The following DPP6 variants were observed in gnomAD, a reference collection of about 807,000 sequenced individuals.
DPP6 encodes A-type potassium channel modulatory protein DPP6.
Under a neutral mutation model 122.6 loss-of-function variants are expected in DPP6, and 69 were observed. That is an observed-to-expected ratio of 0.56 (90% CI 0.46 to 0.69). The LOEUF is 0.69. Among genes scored for constraint, DPP6 ranks in the 30% least tolerant of loss-of-function variants. The pLI, the probability that DPP6 is intolerant of heterozygous loss-of-function variation, is 0.00. For synonymous variants in DPP6, 418 were observed against 433.1 expected, an observed-to-expected ratio of 0.97 and a Z score of 0.43; for missense variants, 928 against 1,116.9, an observed-to-expected ratio of 0.83 and a Z score of 2.41.
At chr7:154,322,860 T>C (rs1171830445) in intron 1 of DPP6, among the ~76,000 whole-genome samples, 1 of 152,204 alleles carries the variant, frequency 6.6e-6, no homozygotes, top group African/African-American at 2.4e-5. Context: ...CTTCAATGCC[T>C]GTACTTATAT....
chr7:154,125,873 T>C (rs1807845684), intron 1 of DPP6, among the ~76,000 whole-genome samples: 1 of 152,200 alleles, frequency 6.6e-6, no homozygotes, highest in Non-Finnish European at 1.5e-5. Context: ...CATTTCCACT[T>C]TGACACAAGT....
At chr7:153,822,883 A>G in the DPP6 span, among the ~76,000 whole-genome samples, 3 of 152,168 alleles carry the variant, frequency 2.0e-5, no homozygotes, top group Non-Finnish European at 4.4e-5. Context: ...ATTACCTTCT[A>G]TGTATCACTT....
At chr7:154,032,273 T>C in intron 1 of DPP6, among the ~76,000 whole-genome samples, 1 of 151,974 alleles carries the variant, frequency 6.6e-6, no homozygotes, top group East Asian at 1.9e-4. Context: ...ACGTTGCAGG[T>C]GGAGGTCAGC....
chr7:154,546,206 C>A (rs1829173972), intron 4 of DPP6, among the ~76,000 whole-genome samples: 1 of 151,980 alleles, frequency 6.6e-6, no homozygotes, highest in African/African-American at 2.4e-5. Flanking sequence ...TAAAAAGATA[C>A]AATATACTAG....
intron 1 of DPP6, among the ~76,000 whole-genome samples, chr7:154,367,944 T>C (rs1397960242): frequency 6.6e-6 from 1 of 152,114 alleles, no homozygotes. Flanking sequence ...GTAGCTGTGA[T>C]TACAGGCACC....
At chr7:153,840,458 T>C in the DPP6 span, among the ~76,000 whole-genome samples, 1 of 151,832 alleles carries the variant, frequency 6.6e-6, no homozygotes, top group Non-Finnish European at 1.5e-5. Context: ...TGGTGTTAAA[T>C]AGGAATTTTC....
At chr7:154,094,043 T>A (rs1210515928) in intron 1 of DPP6, 2 of 152,194 alleles carry the variant, frequency 1.3e-5, no homozygotes, top group African/African-American at 2.4e-5. Context: ...GGTAAAAATG[T>A]TGAACAATTA....
At chr7:154,227,230 A>ACACACACACACACACACACACC (rs1205135212) in intron 1 of DPP6, among the ~76,000 whole-genome samples, 76 of 151,534 alleles carry the variant, frequency 5.0e-4, no homozygotes, top group East Asian at 3.3e-3. Context: ...ACACACACAC[A>ACACACACACACACACACACACC]CCCCTAGGAA....
the DPP6 span, among the ~76,000 whole-genome samples, chr7:153,772,368 G>A: frequency 1.3e-5 from 2 of 152,294 alleles, no homozygotes; most frequent in South Asian, 2.1e-4. Context: ...ACAGGTGTGA[G>A]GCACCACGCC....
At chr7:154,780,676 T>C (rs1165900032) in intron 10 of DPP6, among the ~76,000 whole-genome samples, 2 of 152,244 alleles carry the variant, frequency 1.3e-5, no homozygotes, top group African/African-American at 4.8e-5. Flanking sequence ...TTTCTTCCCG[T>C]GGACCACAAG....
chr7:153,843,035 CAT>C, the DPP6 span, among the ~76,000 whole-genome samples: 27 of 151,858 alleles, frequency 1.8e-4, no homozygotes, highest in Middle Eastern at 3.4e-3. Context: ...CACACACACA[CAT>C]GCATACACAC....
chr7:154,043,278 A>G (rs1799853716), intron 1 of DPP6, among the ~76,000 whole-genome samples: 1 of 151,666 alleles, frequency 6.6e-6, no homozygotes, highest in East Asian at 1.9e-4. Flanking sequence ...CTGTAATTCT[A>G]GCTACTTGGG....
intron 4 of DPP6, among the ~76,000 whole-genome samples, chr7:154,564,332 A>G (rs1321482705): frequency 6.6e-6 from 1 of 152,152 alleles, no homozygotes; most frequent in East Asian, 1.9e-4. Context: ...TAAAATCAAC[A>G]TTGTCTAAAA....
At chr7:154,066,555 T>C (rs1802742062) in intron 1 of DPP6, among the ~76,000 whole-genome samples, 1 of 151,996 alleles carries the variant, frequency 6.6e-6, no homozygotes, top group Non-Finnish European at 1.5e-5. Context: ...TGAGGCAGCT[T>C]AAGTGGTGGG....
chr7:154,463,301 G>A lies in DPP6; in HGVS notation c.359-11638G>A, dbSNP rs574717276. Among the ~76,000 whole-genome samples, 158 of 139,678 alleles carry A rather than the reference G, an allele frequency of 1.1e-3. 2 individuals carry two copies. In the Middle Eastern group the frequency reaches 0.013, roughly 12 times the overall value. 91.6% of individuals were successfully genotyped at this position (139,678 alleles called of 152,430 possible). A position where few individuals can be genotyped will look rare whatever the true frequency, so the allele number is the denominator to read the frequency against. ...CGACTCACTGCAAGCTCCGCCTCCC[G>A]GGTTCACGCCATTCTCCTGCCTCAG... On this transcript the variant is annotated intron_variant, in intron 2 of 25. Transcript: ENST00000377770.
intron 1 of DPP6, among the ~76,000 whole-genome samples, chr7:154,410,215 T>A (rs1816482920): frequency 6.6e-6 from 1 of 152,234 alleles, no homozygotes; most frequent in African/African-American, 2.4e-5. Context: ...CCTAACATCG[T>A]GTCTTAGGGA....
chr7:154,252,213 C>CATGTGT (rs1554501571), intron 1 of DPP6, among the ~76,000 whole-genome samples: 11 of 150,476 alleles, frequency 7.3e-5, no homozygotes, highest in African/African-American at 2.2e-4. Flanking sequence ...CACAATGTCA[C>CATGTGT]GTGTGTGTGT....
chr7:154,715,308 A>G (rs1213329050), intron 7 of DPP6, among the ~76,000 whole-genome samples: 2 of 152,154 alleles, frequency 1.3e-5, no homozygotes, highest in Non-Finnish European at 2.9e-5. Flanking sequence ...ACATCAGATG[A>G]TCCACCTGCC....
At chr7:154,386,297 C>T (rs1472540165) in intron 1 of DPP6, among the ~76,000 whole-genome samples, 1 of 152,088 alleles carries the variant, frequency 6.6e-6, no homozygotes, top group Non-Finnish European at 1.5e-5. Flanking sequence ...TTGTGTTCCT[C>T]CTGCCCCCCA....
Sources: gnomAD v4.1 joint callset for allele counts (sites outside exome capture counted in the v4.1 genomes callset) on GRCh38, gnomAD v4.1.1 for gene constraint, MANE v1.5 for transcripts, NCBI Gene and HGNC (gene_info 2026-07-23, HGNC 2026-07-21) for gene names.